NHSL2: variants seen among roughly 807,000 people sequenced by gnomAD.
NHSL2 encodes the protein NHS-like protein 2.
Under a neutral mutation model 53.4 loss-of-function variants are expected in NHSL2, and 27 were observed. The ratio of observed to expected loss-of-function variants is 0.51; its 90% CI spans 0.37 to 0.70. The LOEUF (loss-of-function observed/expected upper bound fraction) is 0.70, where lower values mean the gene tolerates loss of function less well. Ranked by LOEUF, NHSL2 falls within the 30% of genes least tolerant of loss-of-function variation. The pLI is 0.00. For missense variants in NHSL2, 892 were observed against 980.1 expected (o/e 0.91, Z 1.20); for synonymous variants, 408 against 404.1 (o/e 1.01, Z -0.12).
Position 72,139,796 on chromosome X carries a change from G to A in NHSL2, c.2248G>A (p.Glu750Lys). 8.3e-7 allele frequency: 1 copy of A among 1,211,281 alleles called. No homozygotes were observed. The highest frequency in any genetic ancestry group is 1.1e-6 in the Non-Finnish European group (1 of 895,262). The change falls in exon 6 of 8, where the codon GAG (glutamate) becomes AAG (lysine). Residue 750 changes from glutamate to lysine, a missense_variant. Transcript: ENST00000633930. The part of the protein sequence containing the change: ...SSVRVRPVVP[E>K]RKSSLPPTSP... ...TGTCCGGGTACGTCCAGTGGTACCT[G>A]AGAGGAAGTCATCACTACCCCCGAC...
chrX:72,123,123 C>A (rs934780442), intron 1 of NHSL2, among the ~76,000 whole-genome samples: 3 of 111,533 alleles, frequency 2.7e-5, no homozygotes, highest in African/African-American at 9.8e-5. Flanking sequence ...GAGAACATTG[C>A]CAGTTGGAGT....
chrX:72,024,505 C>A (rs1431857434), intron 1 of NHSL2, among the ~76,000 whole-genome samples: 2 of 112,308 alleles, frequency 1.8e-5, no homozygotes, highest in Admixed American at 1.9e-4. Flanking sequence ...GTGTTTGAGC[C>A]ATTTTTGCTG....
chrX:72,098,800 C>T (rs755941635), intron 1 of NHSL2, among the ~76,000 whole-genome samples: 115 of 111,000 alleles, frequency 1.0e-3, no homozygotes, highest in Non-Finnish European at 1.9e-3. Flanking sequence ...TAAAATGACA[C>T]GTTTGTTGTT....
At chrX:72,103,810 C>G (rs1413442173) in intron 1 of NHSL2, among the ~76,000 whole-genome samples, 2 of 112,456 alleles carry the variant, frequency 1.8e-5, no homozygotes, top group Non-Finnish European at 3.8e-5. Flanking sequence ...GTGCTCTGCA[C>G]AGCTCTTAGC....
chrX:72,031,250 G>T (rs1370484845), intron 1 of NHSL2, among the ~76,000 whole-genome samples: 1 of 111,184 alleles, frequency 9.0e-6, no homozygotes, highest in Non-Finnish European at 1.9e-5. Context: ...GCTTTGGGAG[G>T]TGTCTTGGGG....
chrX:71,964,025 G>GTATATACATATATATATA (rs2041886704), intron 1 of NHSL2, among the ~76,000 whole-genome samples: 1 of 6,265 alleles, frequency 1.6e-4, no homozygotes, highest in Non-Finnish European at 4.6e-4. Flanking sequence ...ATATATATAT[G>GTATATACATATATATATA]TGTATATATA....
intron 1 of NHSL2, among the ~76,000 whole-genome samples, chrX:71,920,549 G>T (rs1388237428): frequency 9.0e-6 from 1 of 110,998 alleles, no homozygotes; most frequent in Admixed American, 9.6e-5. Flanking sequence ...TGAGGCCCAA[G>T]AAACAGTACT....
intron 1 of NHSL2, among the ~76,000 whole-genome samples, chrX:71,953,153 A>G (rs2041828341): frequency 1.8e-5 from 2 of 111,355 alleles, no homozygotes; most frequent in African/African-American, 6.5e-5. Context: ...AGAAGAGACC[A>G]TATTCCAAAT....
intron 1 of NHSL2, among the ~76,000 whole-genome samples, chrX:72,078,979 C>T (rs1467639997): frequency 8.9e-6 from 1 of 112,176 alleles, no homozygotes; most frequent in Non-Finnish European, 1.9e-5. Context: ...CAAGCTGTTT[C>T]CTTGTCTTTC....
intron 1 of NHSL2, chrX:72,129,956 G>A: frequency 1.7e-6 from 2 of 1,211,555 alleles, no homozygotes; most frequent in South Asian, 3.5e-5. Context: ...ATCAGTTGGG[G>A]GGAGCTGTAG....
At chrX:71,932,561 C>T (rs979619138) in intron 1 of NHSL2, among the ~76,000 whole-genome samples, 1 of 111,346 alleles carries the variant, frequency 9.0e-6, no homozygotes, top group Non-Finnish European at 1.9e-5. Flanking sequence ...ATGAAGGTGG[C>T]GATGGCAACC....
intron 1 of NHSL2, among the ~76,000 whole-genome samples, chrX:72,093,725 T>TTGCTTG (rs1569479425): frequency 0.021 from 1,147 of 54,017 alleles, 10 homozygotes; most frequent in African/African-American, 0.026. Flanking sequence ...TTGCTTGCTT[T>TTGCTTG]CTTTCTTTCT....
At chrX:71,927,435 C>T (rs761188971) in intron 1 of NHSL2, among the ~76,000 whole-genome samples, 76 of 112,498 alleles carry the variant, frequency 6.8e-4, no homozygotes, top group Non-Finnish European at 1.3e-3. Flanking sequence ...TGACAGAAGA[C>T]GGATAATAAG....
rs774618314 is a variant in NHSL2, at chrX:72,116,090, C to T, written c.281-15989C>T. 3.6e-5 allele frequency among the ~76,000 whole-genome samples: 4 copies of T among 111,640 alleles called. No individual in the cohort carries two copies. In the South Asian group the frequency reaches 1.1e-3, roughly 32 times the overall value. ...GCCTGGGTTATAGTAACTGTGATGT[C>T]GGACAAGCCATCTAACCTCTCAGTG... is the stretch of plus-strand genomic sequence containing the variant. On this transcript the variant is annotated intron_variant, in intron 1 of 7. Transcript: ENST00000633930.
chrX:71,983,309 C>G (rs886870782), intron 1 of NHSL2, among the ~76,000 whole-genome samples: 7 of 110,211 alleles, frequency 6.4e-5, no homozygotes, highest in African/African-American at 2.3e-4. Flanking sequence ...CGAATTATAT[C>G]TCAGTATAAA....
chrX:71,996,029 T>C (rs747833028), intron 1 of NHSL2, among the ~76,000 whole-genome samples: 9 of 112,395 alleles, frequency 8.0e-5, no homozygotes, highest in Non-Finnish European at 1.3e-4. Context: ...GCCACTGGAC[T>C]GTAGGAGTTA....
At chrX:71,984,496 C>A (rs777336895) in intron 1 of NHSL2, among the ~76,000 whole-genome samples, 1 of 112,047 alleles carries the variant, frequency 8.9e-6, no homozygotes, top group Non-Finnish European at 1.9e-5. Flanking sequence ...GAATACTGAT[C>A]CAGATTTTTA....
At chrX:72,115,442 T>G (rs867855157) in intron 1 of NHSL2, among the ~76,000 whole-genome samples, 1,674 of 8,411 alleles carry the variant, frequency 0.2, 4 homozygotes, top group African/African-American at 0.26. Context: ...GGGGGGGGGG[T>G]GCGGGGGGCG....
At position 72,138,839 on chromosome X, in the gene NHSL2, C is replaced by G. The variant is rs1354663072; in HGVS notation, c.1291C>G (p.Pro431Ala). Reference protein sequence around the residue: ...GNSWVSLNKVPPLVPKEAATL... With the variant: ...GNSWVSLNKVAPLVPKEAATL... ...TTCTTGGGTCTCTCTAAACAAAGTC[C>G]CACCTCTGGTTCCTAAGGAGGCTGC... The change falls in exon 6 of 8, where the codon CCA becomes GCA. Residue 431 changes from proline (P) to alanine (A), a missense_variant. Transcript: ENST00000633930. 2 of 1,210,683 alleles carry G rather than the reference C, an allele frequency of 1.7e-6. No homozygotes were observed. The highest frequency in any genetic ancestry group is 2.2e-6 in the Non-Finnish European group (2 of 894,653).
Sources: gnomAD v4.1 joint callset for allele counts (sites outside exome capture counted in the v4.1 genomes callset) on GRCh38, gnomAD v4.1.1 for gene constraint, MANE v1.5 for transcripts, NCBI Gene and HGNC (gene_info 2026-07-23, HGNC 2026-07-21) for gene names.